TBC1D8: variants seen among roughly 807,000 people sequenced by gnomAD.
The protein encoded by TBC1D8 is BUB2-like protein 1.
TBC1D8 carries 65 observed loss-of-function variants against 118.8 expected under a neutral mutation model. The ratio of observed to expected loss-of-function variants is 0.55; its 90% confidence interval spans 0.45 to 0.67. TBC1D8 has a LOEUF of 0.67. TBC1D8 is among the 30% of genes least tolerant of loss of function. The pLI is 0.00. For synonymous variants in TBC1D8, 566 were observed against 595.8 expected, an observed-to-expected ratio of 0.95 and a Z score of 0.73; for missense variants, 1,376 against 1,471.2, an observed-to-expected ratio of 0.94 and a Z score of 1.06.
chr2:101,072,445 C>T (rs1457733538), intron 2 of TBC1D8, among the ~76,000 whole-genome samples: 4 of 152,066 alleles, frequency 2.6e-5, no homozygotes, highest in Non-Finnish European at 2.9e-5. Flanking sequence ...AACCAAATCT[C>T]GTGTGAACTG....
rs962094528 is a variant in TBC1D8 at position 101,151,360 on chromosome 2, G to T, written c.-107C>A. 12 of 1,034,282 alleles carry T rather than the reference G, an allele frequency of 1.2e-5. No homozygotes were observed. Among genetic ancestry groups the T allele is most frequent in the Non-Finnish European group, 1.4e-5 (12 of 841,746 alleles). The allele number at this position is 1,034,282 out of a possible 1,614,324, so 64.1% of individuals were successfully genotyped here. ...GCGACGGCGGCGCGCGGGGACCACA[G>T]CCCGGCCGGTGCCCAGCGCTCTGAG... On this transcript the variant is annotated 5_prime_UTR_variant, in exon 1 of 20. It adds an upstream start codon to the 5' untranslated region. Transcript: ENST00000409318.
intron 2 of TBC1D8, chr2:101,068,587 G>A: frequency 1.8e-6 from 1 of 554,954 alleles, no homozygotes. Context: ...TAGAGAAAAT[G>A]CACCAAGCAG....
At chr2:101,073,416 TC>T (rs1674604935) in intron 2 of TBC1D8, among the ~76,000 whole-genome samples, 2 of 151,844 alleles carry the variant, frequency 1.3e-5, no homozygotes, top group African/African-American at 4.8e-5. Flanking sequence ...TGGCTCAGCC[TC>T]CCCAGTAGCT....
At chr2:101,072,001 C>A (rs776395075) in intron 2 of TBC1D8, among the ~76,000 whole-genome samples, 7 of 152,172 alleles carry the variant, frequency 4.6e-5, no homozygotes, top group Non-Finnish European at 1.0e-4. Context: ...TACTCCTTGA[C>A]CCATGGGCTG....
At chr2:101,101,037 T>C (rs933907538) in intron 1 of TBC1D8, among the ~76,000 whole-genome samples, 1 of 152,046 alleles carries the variant, frequency 6.6e-6, no homozygotes. Context: ...AAAGCCAAAA[T>C]TGACAGATGT....
At chr2:101,076,250 A>G (rs906908099) in intron 2 of TBC1D8, among the ~76,000 whole-genome samples, 1 of 152,240 alleles carries the variant, frequency 6.6e-6, no homozygotes, top group Non-Finnish European at 1.5e-5. Context: ...TGATCAAATT[A>G]GAAAACCACC....
intron 1 of TBC1D8, among the ~76,000 whole-genome samples, chr2:101,132,185 C>T (rs1264127848): frequency 1.3e-5 from 2 of 152,176 alleles, no homozygotes; most frequent in African/African-American, 2.4e-5. Flanking sequence ...ATATCATTTG[C>T]TATTTTTCTT....
At chr2:101,079,815 A>T (rs1408516850) in intron 2 of TBC1D8, among the ~76,000 whole-genome samples, 1 of 150,030 alleles carries the variant, frequency 6.7e-6, no homozygotes, top group Non-Finnish European at 1.5e-5. Context: ...CCTCCAGAGT[A>T]GCTGGGACTA....
intron 1 of TBC1D8, among the ~76,000 whole-genome samples, chr2:101,146,424 A>G (rs1042972996): frequency 2.0e-5 from 3 of 152,248 alleles, no homozygotes. Flanking sequence ...AGAAAACATC[A>G]ATTCAAATTA....
chr2:101,011,959 G>A (rs1404157506), intron 17 of TBC1D8, among the ~76,000 whole-genome samples: 1 of 152,182 alleles, frequency 6.6e-6, no homozygotes, highest in Non-Finnish European at 1.5e-5. Context: ...TTTCAGGATA[G>A]TATTTCTCTA....
intron 2 of TBC1D8, among the ~76,000 whole-genome samples, chr2:101,061,985 C>G (rs949550616): frequency 3.9e-5 from 6 of 152,226 alleles, no homozygotes; most frequent in Non-Finnish European, 8.8e-5. Context: ...CTCAGCTGGT[C>G]GTAACACACG....
intron 17 of TBC1D8, among the ~76,000 whole-genome samples, chr2:101,013,837 C>T (rs1679416466): frequency 6.6e-6 from 1 of 152,228 alleles, no homozygotes. Context: ...TTACAGTAAT[C>T]ATCAAAATAA....
At position 101,038,457 on chromosome 2, in the gene TBC1D8, A is replaced by G. The variant is rs770169232; in HGVS notation, c.1275+4T>C. ...GGGATCATCAGGGTCTGGAGGGACCATACCATGTCATCATCCGCAGAGGTG... is the reference window on the plus strand; with the variant it reads ...GGGATCATCAGGGTCTGGAGGGACCGTACCATGTCATCATCCGCAGAGGTG... On this transcript the variant is annotated splice_donor_region_variant and intron_variant, in intron 7 of 19. Transcript: ENST00000409318. The G allele has an allele frequency of 6.9e-5, 112 of 1,613,214 alleles. 1 individual carries two copies. In the South Asian group the frequency reaches 1.2e-3, roughly 17 times the overall value.
chr2:101,073,300 A>T (rs13027581), intron 2 of TBC1D8, among the ~76,000 whole-genome samples: 73,189 of 143,550 alleles, frequency 0.51, 18,197 homozygotes, highest in Admixed American at 0.56. Flanking sequence ...TATTTTATTT[A>T]TTTTTTTTTT....
chr2:101,047,957 C>CACATCTGGAAGTG (rs1183753294), intron 5 of TBC1D8, among the ~76,000 whole-genome samples: 5 of 152,150 alleles, frequency 3.3e-5, no homozygotes, highest in Admixed American at 6.6e-5. Context: ...CAAAAAACAC[C>CACATCTGGAAGTG]ACATCTGGAA....
intron 10 of TBC1D8, 141 bp downstream of exon 10, chr2:101,033,403 T>C: frequency 9.9e-7 from 1 of 1,006,846 alleles, no homozygotes; most frequent in Non-Finnish European, 1.5e-6. Context: ...TGATACTTTC[T>C]TTCCGGAAAG....
chr2:101,151,351 G>T lies in TBC1D8; in HGVS notation c.-98C>A. 1 of 1,059,780 alleles carries T rather than the reference G, an allele frequency of 9.4e-7. No homozygotes were observed. 65.6% of individuals were successfully genotyped at this position (1,059,780 alleles called of 1,614,324 possible). On this transcript the variant is annotated 5_prime_UTR_variant, in exon 1 of 20. Coordinates refer to ENST00000409318, the MANE Select transcript of TBC1D8 (RefSeq NM_001330348.2). ...GCTCGAGAGGCGACGGCGGCGCGCG[G>T]GGACCACAGCCCGGCCGGTGCCCAG...
Position 101,007,767 on chromosome 2 carries a change from C to G in TBC1D8, c.*54G>C, listed in dbSNP as rs1018075069. On this transcript the variant is annotated 3_prime_UTR_variant, in exon 20 of 20. Coordinates refer to ENST00000409318, the MANE Select transcript of TBC1D8 (RefSeq NM_001330348.2). ...TTTAGGGCTGACCCCAAGAAACAGT[C>G]TGGTTCGTGCTTTGGTATGGTGGAC... 29 of 1,551,320 alleles carry G rather than the reference C, an allele frequency of 1.9e-5. No homozygotes were observed. Among genetic ancestry groups the G allele is most frequent in the African/African-American group, 2.7e-5 (2 of 73,524 alleles).
chr2:101,068,448 T>C (rs1014117681), intron 2 of TBC1D8: 17 of 343,636 alleles, frequency 4.9e-5, no homozygotes, highest in Non-Finnish European at 8.5e-5. Context: ...AATTCAGATA[T>C]AGCGAAAGTG....
Sources: allele counts gnomAD v4.1 joint callset (sites outside exome capture counted in the v4.1 genomes callset), GRCh38; gene constraint gnomAD v4.1.1; transcripts MANE v1.5; gene names NCBI Gene and HGNC (gene_info 2026-07-23, HGNC 2026-07-21).